The following LRMDA variants were observed in gnomAD, a reference collection of about 807,000 sequenced individuals.
The protein encoded by LRMDA is leucine-rich melanocyte differentiation-associated protein.
LRMDA carries 18 observed loss-of-function variants against 29.8 expected under a neutral mutation model. The observed-to-expected ratio is 0.60, with a 90% CI of 0.42 to 0.90. The LOEUF (loss-of-function observed/expected upper bound fraction) is 0.90, where lower values mean the gene tolerates loss of function less well. Ranked by LOEUF, LRMDA falls within the 40% of genes least tolerant of loss-of-function variation. LRMDA has a pLI of 0.00. For synonymous variants in LRMDA, 125 were observed against 109.4 expected (o/e 1.14, Z -0.89); for missense variants, 273 against 273.9 (o/e 1.00, Z 0.02).
intron 2 of LRMDA, among the ~76,000 whole-genome samples, chr10:75,891,885 A>T (rs1305215772): frequency 2.6e-5 from 4 of 152,182 alleles, no homozygotes; most frequent in Admixed American, 6.5e-5. Flanking sequence ...TAAACTGGAG[A>T]TGCTTATCAG....
rs184504489 is a variant in LRMDA at position 76,414,419 on chromosome 10, C to T, written c.601+89934C>T. 3.5e-3 allele frequency among the ~76,000 whole-genome samples: 534 copies of T among 152,272 alleles called. 4 individuals carry two copies. Among genetic ancestry groups the T allele is most frequent in the South Asian group, 9.7e-3 (47 of 4,826 alleles). On this transcript the variant is annotated intron_variant, in intron 6 of 6. Transcript: ENST00000611255. The stretch of plus-strand genomic sequence containing the variant: ...CAAGGAATGCCCATCCTTTCTTTTT[C>T]CCTCCCTTCCTTCCCTCTCTCAAAT...
intron 2 of LRMDA, among the ~76,000 whole-genome samples, chr10:75,460,289 G>A (rs1400062356): frequency 6.6e-6 from 1 of 152,152 alleles, no homozygotes; most frequent in Non-Finnish European, 1.5e-5. Flanking sequence ...AAAATTTGGT[G>A]TAGTATGTCT....
intron 2 of LRMDA, among the ~76,000 whole-genome samples, chr10:75,511,516 C>A (rs7911703): frequency 0.091 from 13,858 of 152,108 alleles, 2,021 homozygotes; most frequent in African/African-American, 0.31. Flanking sequence ...CTGTGATGTT[C>A]GGAAGGTAGG....
intron 6 of LRMDA, among the ~76,000 whole-genome samples, chr10:76,523,287 T>G (rs530293456): frequency 1.2e-3 from 188 of 152,248 alleles, no homozygotes; most frequent in Admixed American, 2.4e-3. Flanking sequence ...AAGTGGCTTG[T>G]GTGTCGAAGG....
intron 2 of LRMDA, among the ~76,000 whole-genome samples, chr10:75,767,057 T>C (rs1419450597): frequency 2.0e-5 from 3 of 152,208 alleles, no homozygotes; most frequent in Non-Finnish European, 2.9e-5. Flanking sequence ...TGGGCATTTG[T>C]GTTGGTTTCA....
At chr10:75,871,864 G>C (rs1474397362) in intron 2 of LRMDA, among the ~76,000 whole-genome samples, 1 of 152,186 alleles carries the variant, frequency 6.6e-6, no homozygotes, top group African/African-American at 2.4e-5. Context: ...GGCAGAGATT[G>C]TGTCTTATTC....
intron 2 of LRMDA, among the ~76,000 whole-genome samples, chr10:75,521,521 C>G (rs898839285): frequency 8.5e-5 from 13 of 152,212 alleles, no homozygotes; most frequent in African/African-American, 3.1e-4. Context: ...GAGCCAGGCA[C>G]GGGAGAGAAT....
At chr10:76,043,799 C>A (rs1406315608) in intron 3 of LRMDA, among the ~76,000 whole-genome samples, 1 of 152,170 alleles carries the variant, frequency 6.6e-6, no homozygotes, top group African/African-American at 2.4e-5. Context: ...ACTCAGTTTC[C>A]CAATATTTCC....
chr10:75,954,600 T>G (rs945384796), intron 2 of LRMDA, among the ~76,000 whole-genome samples: 5 of 152,224 alleles, frequency 3.3e-5, no homozygotes, highest in African/African-American at 1.2e-4. Context: ...TCCTGGTGGC[T>G]CCTCTCAACT....
intron 5 of LRMDA, among the ~76,000 whole-genome samples, chr10:76,317,595 A>T (rs908478062): frequency 2.0e-5 from 3 of 152,192 alleles, no homozygotes; most frequent in Non-Finnish European, 4.4e-5. Flanking sequence ...AGTTTTTGAG[A>T]TGGAGTCTCT....
chr10:75,980,251 C>G lies in LRMDA; in HGVS notation c.132-55757C>G, dbSNP rs528514091. Among the ~76,000 whole-genome samples, 3 of 152,214 alleles carry G rather than the reference C, an allele frequency of 2.0e-5. No homozygotes were observed. The South Asian group carries it at 6.2e-4, about 32-fold the overall frequency. On this transcript the variant is annotated intron_variant, in intron 2 of 6. Transcript: ENST00000611255. Reference sequence around the variant, plus strand: ...TTTTTTAATTGCTGTATCATAGGATCCTGACAAAAATGGGACACTGAGATG... The same window carrying G: ...TTTTTTAATTGCTGTATCATAGGATGCTGACAAAAATGGGACACTGAGATG...
intron 2 of LRMDA, among the ~76,000 whole-genome samples, chr10:75,784,357 A>G (rs977348036): frequency 6.6e-6 from 1 of 152,226 alleles, no homozygotes; most frequent in South Asian, 2.1e-4. Flanking sequence ...AGTACCTGGT[A>G]TGTACATGTT....
At chr10:75,846,515 G>T (rs1485036566) in intron 2 of LRMDA, among the ~76,000 whole-genome samples, 1 of 152,140 alleles carries the variant, frequency 6.6e-6, no homozygotes, top group African/African-American at 2.4e-5. Context: ...GCTCAAGGTG[G>T]TCATAGCACT....
chr10:76,048,512 A>AC (rs1848478868), intron 4 of LRMDA, among the ~76,000 whole-genome samples: 1 of 152,164 alleles, frequency 6.6e-6, no homozygotes, highest in African/African-American at 2.4e-5. Context: ...AAGTACTAAG[A>AC]CCAAGGTATG....
At chr10:75,952,954 C>T (rs568773507) in intron 2 of LRMDA, among the ~76,000 whole-genome samples, 1 of 151,644 alleles carries the variant, frequency 6.6e-6, no homozygotes, top group East Asian at 2.0e-4. Flanking sequence ...GGGGTTTCAC[C>T]ATGTTGGCCA....
intron 2 of LRMDA, among the ~76,000 whole-genome samples, chr10:75,627,855 A>C (rs767675445): frequency 3.3e-5 from 5 of 152,256 alleles, no homozygotes; most frequent in Non-Finnish European, 7.3e-5. Flanking sequence ...TAGTAACAGT[A>C]AAGGCTTTGT....
chr10:76,269,086 T>C (rs1840037670), intron 5 of LRMDA, among the ~76,000 whole-genome samples: 1 of 152,104 alleles, frequency 6.6e-6, no homozygotes, highest in South Asian at 2.1e-4. Context: ...TTTCTTATGA[T>C]GGGGTTTGCT....
chr10:75,854,070 G>C (rs990460401), intron 2 of LRMDA, among the ~76,000 whole-genome samples: 3 of 152,152 alleles, frequency 2.0e-5, no homozygotes, highest in African/African-American at 7.2e-5. Context: ...TTGCGTTTTA[G>C]AGTTGTGGTT....
chr10:76,427,706 T>C (rs1842143988), intron 6 of LRMDA, among the ~76,000 whole-genome samples: 1 of 152,156 alleles, frequency 6.6e-6, no homozygotes, highest in Non-Finnish European at 1.5e-5. Flanking sequence ...ATGCTTCCAG[T>C]TTTTGCCCAT....
Sources: allele counts gnomAD v4.1 joint callset (sites outside exome capture counted in the v4.1 genomes callset), GRCh38; gene constraint gnomAD v4.1.1; transcripts MANE v1.5; gene names NCBI Gene and HGNC (gene_info 2026-07-23, HGNC 2026-07-21).